The following DLG2 variants were observed in gnomAD, a reference collection of about 807,000 sequenced individuals.
DLG2 encodes disks large homolog 2.
A neutral mutation model predicts 132.5 loss-of-function variants in DLG2; 45 were observed. That is an observed-to-expected ratio of 0.34 (90% CI 0.27 to 0.44). The LOEUF is 0.44. Among genes scored for constraint, DLG2 ranks in the 20% least tolerant of loss-of-function variants. DLG2 has a pLI of 1.00. For missense variants in DLG2, 1,045 were observed against 1,196.9 expected (o/e 0.87, Z 1.87); for synonymous variants, 424 against 419.6 (o/e 1.01, Z -0.13).
At chr11:85,346,668 T>G (rs2082872852) in intron 3 of DLG2, among the ~76,000 whole-genome samples, 1 of 152,156 alleles carries the variant, frequency 6.6e-6, no homozygotes, top group Non-Finnish European at 1.5e-5. Context: ...ATGTCTAACT[T>G]TCTGAGAATG....
chr11:83,974,444 T>C (rs2154169119), intron 12 of DLG2, among the ~76,000 whole-genome samples: 1 of 87,856 alleles, frequency 1.1e-5, no homozygotes, highest in South Asian at 5.1e-4. Flanking sequence ...TATATTCCAC[T>C]AAACACTAGT....
intron 7 of DLG2, among the ~76,000 whole-genome samples, chr11:84,480,489 G>A (rs2099133991): frequency 6.6e-6 from 1 of 151,928 alleles, no homozygotes; most frequent in Non-Finnish European, 1.5e-5. Flanking sequence ...TTCCTTCACA[G>A]AATATGGAAT....
intron 6 of DLG2, among the ~76,000 whole-genome samples, chr11:84,650,873 G>GTATA (rs71274437): frequency 0.015 from 1,836 of 123,898 alleles, 21 homozygotes; most frequent in Middle Eastern, 0.024. Flanking sequence ...GTGTGTGTGT[G>GTATA]TATATATATA....
Position 84,383,726 on chromosome 11 carries a change from T to C in DLG2, c.520-132435A>G, listed in dbSNP as rs191615954. ...AAATACATTCTGTTAACAATCCAAG[T>C]AAGCTGGAATTAGATCTGTCCTTGG... On this transcript the variant is annotated intron_variant, in intron 7 of 27. Coordinates refer to ENST00000376104, the MANE Select transcript of DLG2 (RefSeq NM_001142699.3). 8.7e-3 allele frequency among the ~76,000 whole-genome samples: 1,327 copies of C among 152,208 alleles called. 6 individuals carry two copies. Among genetic ancestry groups the C allele is most frequent in the South Asian group, 0.016 (79 of 4,812 alleles).
chr11:84,875,065 C>T lies in DLG2; in HGVS notation c.357+236596G>A, dbSNP rs116869379. ...AGAAAGATTTAGGAGTCAATATTGA[C>T]TGATGCATGAAAGCTGATAAGGCAG... On this transcript the variant is annotated intron_variant, in intron 6 of 27. Transcript: ENST00000376104. Among the ~76,000 whole-genome samples the T allele has an allele frequency of 7.9e-3, 1,182 of 149,216 alleles. 14 individuals are homozygous for T. Among genetic ancestry groups the T allele is most frequent in the South Asian group, 0.019 (89 of 4,636 alleles).
At chr11:84,870,434 G>T (rs1030456125) in intron 6 of DLG2, among the ~76,000 whole-genome samples, 9 of 152,144 alleles carry the variant, frequency 5.9e-5, no homozygotes, top group Non-Finnish European at 1.3e-4. Flanking sequence ...ATTCCAACTG[G>T]TTTTTTGAAA....
chr11:85,597,514 C>T (rs967061134), intron 3 of DLG2, among the ~76,000 whole-genome samples: 4 of 151,782 alleles, frequency 2.6e-5, no homozygotes, highest in African/African-American at 9.7e-5. Context: ...GTCATTAATT[C>T]TTGCTAGCCA....
rs559931107 is a variant in DLG2, at chr11:85,484,895, A to G, written c.40+113762T>C. Reference sequence around the variant, plus strand: ...ATAAATCATGCTGCTATAAAGACACATGCACACATATGTTTATTGTGGCAC... The same window carrying G: ...ATAAATCATGCTGCTATAAAGACACGTGCACACATATGTTTATTGTGGCAC... On this transcript the variant is annotated intron_variant, in intron 3 of 27. Coordinates refer to ENST00000376104, the MANE Select transcript of DLG2 (RefSeq NM_001142699.3). Among the ~76,000 whole-genome samples the G allele has an allele frequency of 1.2e-4, 18 of 152,232 alleles. 1 individual carries two copies. The South Asian group carries it at 3.3e-3, about 28-fold the overall frequency.
intron 15 of DLG2, among the ~76,000 whole-genome samples, chr11:83,884,668 A>T (rs2067300636): frequency 6.6e-6 from 1 of 152,120 alleles, no homozygotes; most frequent in African/African-American, 2.4e-5. Context: ...ACCCCTGACT[A>T]CCAAGCAGCC....
intron 15 of DLG2, among the ~76,000 whole-genome samples, chr11:83,915,964 T>C (rs2154116102): frequency 6.6e-6 from 1 of 152,336 alleles, no homozygotes; most frequent in East Asian, 1.9e-4. Flanking sequence ...TGCCTATTGT[T>C]GACATTTCAC....
chr11:84,214,411 T>C (rs910360110), intron 8 of DLG2, among the ~76,000 whole-genome samples: 1 of 151,178 alleles, frequency 6.6e-6, no homozygotes, highest in African/African-American at 2.4e-5. Flanking sequence ...CATGCTTATA[T>C]ATACATGTAT....
intron 19 of DLG2, among the ~76,000 whole-genome samples, chr11:83,607,163 T>C (rs2059468888): frequency 1.3e-5 from 2 of 152,214 alleles, no homozygotes; most frequent in African/African-American, 4.8e-5. Context: ...TTGCTTTATT[T>C]GAACACGGTT....
At chr11:84,981,221 A>G (rs1274957884) in intron 6 of DLG2, among the ~76,000 whole-genome samples, 3 of 152,238 alleles carry the variant, frequency 2.0e-5, no homozygotes, top group African/African-American at 7.2e-5. Context: ...TTTCTCTAGA[A>G]TAAATATATT....
At chr11:84,855,038 A>T (rs2082608852) in intron 6 of DLG2, among the ~76,000 whole-genome samples, 1 of 152,018 alleles carries the variant, frequency 6.6e-6, no homozygotes, top group African/African-American at 2.4e-5. Context: ...CAAATGGAGG[A>T]CAGGAAGCCT....
intron 6 of DLG2, among the ~76,000 whole-genome samples, chr11:85,105,575 C>T (rs767791786): frequency 6.6e-6 from 1 of 151,982 alleles, no homozygotes; most frequent in South Asian, 2.1e-4. Flanking sequence ...CTGTGGCTAC[C>T]ACCCGTATGG....
chr11:85,568,558 T>G lies in DLG2; in HGVS notation c.40+30099A>C, dbSNP rs144901479. Among the ~76,000 whole-genome samples, 615 of 152,294 alleles carry G rather than the reference T, an allele frequency of 4.0e-3. 15 individuals are homozygous for G. The highest frequency in any genetic ancestry group is 4.0e-3 in the East Asian group (21 of 5,186). On this transcript the variant is annotated intron_variant, in intron 3 of 27. Transcript: ENST00000376104. ...AAGCCATCTGGTGCTGGGTTTTTTG[T>G]GGTTGGAGGTTTTTTCATTATTAAT...
intron 19 of DLG2, among the ~76,000 whole-genome samples, chr11:83,554,181 G>A: frequency 6.6e-6 from 1 of 152,072 alleles, no homozygotes; most frequent in African/African-American, 2.4e-5. Context: ...ACCATGCCAG[G>A]CCTATAGTCT....
At chr11:84,085,783 T>C (rs1197318543) in intron 10 of DLG2, among the ~76,000 whole-genome samples, 2 of 152,206 alleles carry the variant, frequency 1.3e-5, no homozygotes, top group East Asian at 3.8e-4. Context: ...ATAAAGCCAA[T>C]CTTAAGGGAT....
intron 6 of DLG2, among the ~76,000 whole-genome samples, chr11:85,095,772 A>T (rs1326921211): frequency 8.5e-5 from 13 of 152,224 alleles, no homozygotes; most frequent in Admixed American, 8.5e-4. Context: ...CATGCACACC[A>T]GGGAGCTAGG....
Sources: allele counts gnomAD v4.1 joint callset (sites outside exome capture counted in the v4.1 genomes callset), GRCh38; gene constraint gnomAD v4.1.1; transcripts MANE v1.5; gene names NCBI Gene and HGNC (gene_info 2026-07-23, HGNC 2026-07-21).